Variants in TYW1 observed in about 807,000 individuals in gnomAD.
The protein encoded by TYW1 is tRNA-yW synthesizing protein 1 homolog, also known as S-adenosyl-L-methionine-dependent tRNA 4-demethylwyosine synthase TYW1.
TYW1 carries 46 observed loss-of-function variants against 96.2 expected under a neutral mutation model. That is an observed-to-expected ratio of 0.48 (90% CI 0.38 to 0.61). The LOEUF (loss-of-function observed/expected upper bound fraction) is 0.61. Ranked by LOEUF, TYW1 falls within the 20% of genes least tolerant of loss-of-function variation. The pLI, the probability that TYW1 is intolerant of heterozygous loss-of-function variation, is 0.00. For synonymous variants in TYW1, 274 were observed against 323.0 expected, an observed-to-expected ratio of 0.85 and a Z score of 1.63; for missense variants, 684 against 909.6, an observed-to-expected ratio of 0.75 and a Z score of 3.19.
chr7:67,152,364 T>C (rs1331647357), intron 13 of TYW1, among the ~76,000 whole-genome samples: 1 of 152,214 alleles, frequency 6.6e-6, no homozygotes, highest in Non-Finnish European at 1.5e-5. Context: ...AATGCAGTGC[T>C]ATTTCACCTT....
intron 15 of TYW1, among the ~76,000 whole-genome samples, chr7:67,212,431 G>A (rs1221078581): frequency 2.6e-5 from 4 of 151,972 alleles, no homozygotes; most frequent in Non-Finnish European, 5.9e-5. Context: ...TCCAGTTTGG[G>A]ACAATTATGA....
intron 15 of TYW1, among the ~76,000 whole-genome samples, chr7:67,209,019 A>C (rs1187669692): frequency 2.0e-5 from 3 of 152,228 alleles, no homozygotes; most frequent in Non-Finnish European, 2.9e-5. Flanking sequence ...CAGAGTCTAG[A>C]GAGTGGAGCT....
chr7:67,056,272 A>G (rs1365659339), intron 9 of TYW1, among the ~76,000 whole-genome samples: 1 of 152,192 alleles, frequency 6.6e-6, no homozygotes, highest in East Asian at 1.9e-4. Flanking sequence ...TGGGCGGATC[A>G]TTTGAGGTCA....
chr7:67,230,655 T>C (rs1196426325), intron 15 of TYW1, among the ~76,000 whole-genome samples: 2 of 145,156 alleles, frequency 1.4e-5, no homozygotes, highest in Non-Finnish European at 3.0e-5. Flanking sequence ...ATTATCTCTT[T>C]TTTTTTTTTT....
chr7:67,046,318 C>T (rs1336611778), intron 7 of TYW1, among the ~76,000 whole-genome samples: 2 of 152,236 alleles, frequency 1.3e-5, no homozygotes, highest in Non-Finnish European at 1.5e-5. Flanking sequence ...TCTGGTATCA[C>T]GCATTGGGCA....
At chr7:67,214,369 C>G (rs1801140275) in intron 15 of TYW1, among the ~76,000 whole-genome samples, 1 of 152,242 alleles carries the variant, frequency 6.6e-6, no homozygotes, top group African/African-American at 2.4e-5. Context: ...TTGCTATAAT[C>G]ACTTGTTAGT....
intron 10 of TYW1, among the ~76,000 whole-genome samples, chr7:67,072,613 A>G (rs9654770): frequency 0.22 from 32,917 of 152,030 alleles, 3,812 homozygotes; most frequent in African/African-American, 0.29. Context: ...AGAGAGAACA[A>G]TATATTAAAC....
At chr7:67,152,297 C>G (rs1188729050) in intron 13 of TYW1, among the ~76,000 whole-genome samples, 1 of 152,198 alleles carries the variant, frequency 6.6e-6, no homozygotes, top group East Asian at 1.9e-4. Flanking sequence ...AACTGCTCTG[C>G]TAAGACTTTA....
chr7:67,092,974 C>T (rs1402879517), intron 11 of TYW1, among the ~76,000 whole-genome samples: 4 of 151,956 alleles, frequency 2.6e-5, no homozygotes, highest in Admixed American at 1.3e-4. Context: ...TGAGCCACCA[C>T]GCCCGGCCCA....
At chr7:67,111,017 A>C (rs545556216) in intron 12 of TYW1, among the ~76,000 whole-genome samples, 2 of 152,102 alleles carry the variant, frequency 1.3e-5, no homozygotes, top group Non-Finnish European at 2.9e-5. Context: ...AAAATAAATA[A>C]AAAGAAAATG....
At chr7:67,147,201 T>C (rs1798634935) in intron 13 of TYW1, among the ~76,000 whole-genome samples, 1 of 152,098 alleles carries the variant, frequency 6.6e-6, no homozygotes, top group Non-Finnish European at 1.5e-5. Context: ...AGTAAAAAAA[T>C]ACAGTGTAAA....
At chr7:67,128,527 C>A (rs1797972018) in intron 13 of TYW1, among the ~76,000 whole-genome samples, 1 of 152,100 alleles carries the variant, frequency 6.6e-6, no homozygotes, top group East Asian at 1.9e-4. Flanking sequence ...CTTGTGCTAT[C>A]TCTTTAAACT....
At chr7:67,112,100 C>CAAAAAAAAAAAA (rs538839042) in intron 12 of TYW1, among the ~76,000 whole-genome samples, 31 of 94,842 alleles carry the variant, frequency 3.3e-4, no homozygotes, top group African/African-American at 6.4e-4. Context: ...CTCTGTCTGA[C>CAAAAAAAAAAAA]AAAAAAAAAA....
chr7:67,036,578 G>A (rs1223070934), intron 7 of TYW1, among the ~76,000 whole-genome samples: 1 of 152,220 alleles, frequency 6.6e-6, no homozygotes, highest in Non-Finnish European at 1.5e-5. Context: ...CCTTGCTGGG[G>A]CCAGGCTCCC....
chr7:67,192,635 G>C (rs949791853), intron 14 of TYW1, among the ~76,000 whole-genome samples: 2 of 152,078 alleles, frequency 1.3e-5, no homozygotes, highest in African/African-American at 2.4e-5. Context: ...CCATGCTTTC[G>C]TAATGATGTC....
intron 15 of TYW1, among the ~76,000 whole-genome samples, chr7:67,222,872 T>TTC (rs1563078521): frequency 3.3e-5 from 5 of 150,028 alleles, no homozygotes; most frequent in Non-Finnish European, 7.4e-5. Context: ...TTTTCTTTTT[T>TTC]TTTTTTTTTT....
At chr7:67,045,524 G>A (rs909027878) in intron 7 of TYW1, among the ~76,000 whole-genome samples, 2 of 152,122 alleles carry the variant, frequency 1.3e-5, no homozygotes, top group Admixed American at 6.6e-5. Context: ...AACCAGTATC[G>A]TATGATATTT....
At chr7:67,109,471 G>T (rs1471109382) in intron 12 of TYW1, among the ~76,000 whole-genome samples, 5 of 151,982 alleles carry the variant, frequency 3.3e-5, no homozygotes, top group African/African-American at 9.7e-5. Context: ...TTAACCAAAG[G>T]CATGCAACAA....
chr7:67,167,687 G>A (rs1799383600), intron 13 of TYW1, among the ~76,000 whole-genome samples: 1 of 151,702 alleles, frequency 6.6e-6, no homozygotes, highest in Non-Finnish European at 1.5e-5. Context: ...CTGTTCTGCA[G>A]TGTCAGTTTT....
Sources: allele counts gnomAD v4.1 joint callset (sites outside exome capture counted in the v4.1 genomes callset), GRCh38; gene constraint gnomAD v4.1.1; transcripts MANE v1.5; gene names NCBI Gene and HGNC (gene_info 2026-07-23, HGNC 2026-07-21).